The following SYT17 variants were observed in gnomAD, a reference collection of about 807,000 sequenced individuals.
SYT17 encodes synaptotagmin 17, also known as synaptotagmin-17.
In SYT17, 22 loss-of-function variants were observed where a neutral mutation model predicts 46.7. That is an observed-to-expected ratio of 0.47 (90% confidence interval 0.34 to 0.67). SYT17 has a LOEUF of 0.67. Ranked by LOEUF, SYT17 falls within the 30% of genes least tolerant of loss-of-function variation. The probability of loss-of-function intolerance (pLI) is 0.01; values close to 1 mark genes in which losing one functional copy is unlikely to be tolerated. For synonymous variants in SYT17, 251 were observed against 248.4 expected, an observed-to-expected ratio of 1.01 and a Z score of -0.10; for missense variants, 519 against 612.8, an observed-to-expected ratio of 0.85 and a Z score of 1.62.
chr16:19,228,153 G>A (rs11864842), intron 7 of SYT17, among the ~76,000 whole-genome samples: 4,245 of 152,008 alleles, frequency 0.028, 201 homozygotes, highest in African/African-American at 0.097. Flanking sequence ...AGGTTTTTTC[G>A]AATTCCTTGA....
chr16:19,233,270 G>A (rs542977625), intron 7 of SYT17, among the ~76,000 whole-genome samples: 8 of 152,266 alleles, frequency 5.3e-5, no homozygotes, highest in East Asian at 3.9e-4. Context: ...AAGGCACGGC[G>A]GGGAATGGGT....
At chr16:19,172,335 A>G in intron 1 of SYT17, 1 of 1,356,680 alleles carries the variant, frequency 7.4e-7, no homozygotes. Context: ...AGTAACATCC[A>G]CTGTGTGCCT....
intron 3 of SYT17, among the ~76,000 whole-genome samples, chr16:19,176,894 A>G (rs904941748): frequency 3.9e-5 from 6 of 152,186 alleles, no homozygotes; most frequent in African/African-American, 9.7e-5. Flanking sequence ...TCAGGCCACA[A>G]CTACATCTAG....
intron 5 of SYT17, among the ~76,000 whole-genome samples, chr16:19,197,802 T>C (rs1965311880): frequency 6.6e-6 from 1 of 152,156 alleles, no homozygotes; most frequent in Non-Finnish European, 1.5e-5. Context: ...AACTTTCCTG[T>C]TATGTAGACT....
chr16:19,199,993 A>G (rs1965398792), intron 5 of SYT17, among the ~76,000 whole-genome samples: 1 of 152,272 alleles, frequency 6.6e-6, no homozygotes, highest in African/African-American at 2.4e-5. Context: ...TACAGATAAG[A>G]AAACTGAGGC....
chr16:19,172,820 G>A (rs544276007), intron 2 of SYT17, 43 bp downstream of exon 2: 1 of 1,612,662 alleles, frequency 6.2e-7, no homozygotes, highest in Non-Finnish European at 8.5e-7. Flanking sequence ...TTCTAATCAA[G>A]AAATGCCTGA....
chr16:19,264,216 C>A (rs923912425), intron 7 of SYT17, among the ~76,000 whole-genome samples: 18 of 152,124 alleles, frequency 1.2e-4, no homozygotes, highest in African/African-American at 4.3e-4. Flanking sequence ...TATAAGCCAC[C>A]CAGTTTATGG....
chr16:19,206,170 T>C (rs769065896), intron 5 of SYT17, among the ~76,000 whole-genome samples: 23 of 152,192 alleles, frequency 1.5e-4, no homozygotes, highest in African/African-American at 5.3e-4. Context: ...AGTTGAATTC[T>C]GGGGAAAACT....
chr16:19,210,866 G>T (rs1357857133), intron 5 of SYT17, among the ~76,000 whole-genome samples: 2 of 152,206 alleles, frequency 1.3e-5, no homozygotes, highest in Admixed American at 6.6e-5. Context: ...GAGAGAGAGC[G>T]AAAGGACCAT....
chr16:19,267,007 G>T lies in SYT17; in HGVS notation c.1356G>T (p.Glu452Asp), dbSNP rs569943172. The T allele has an allele frequency of 1.2e-6, 2 of 1,613,546 alleles. No individual in the cohort carries two copies. The highest frequency in any genetic ancestry group is 1.7e-6 in the Non-Finnish European group (2 of 1,179,972). The change falls in exon 8 of 8, where the codon GAG becomes GAT. Residue 452 changes from glutamate (E) to aspartate (D), a missense_variant. Physicochemically the swap from Glu to Asp is conservative, Grantham distance 45. Coordinates refer to ENST00000355377, the MANE Select transcript of SYT17 (RefSeq NM_016524.4). ...RMLNTHRTAVEQWHSLRSRAE... is the reference protein window; with the variant it reads ...RMLNTHRTAVDQWHSLRSRAE... The stretch of plus-strand genomic sequence containing the variant: ...TCAACACGCACCGCACAGCCGTGGA[G>T]CAGTGGCATAGCCTGAGGTCCCGAG...
chr16:19,249,873 T>A, intron 7 of SYT17: 2 of 1,494,136 alleles, frequency 1.3e-6, no homozygotes, highest in Non-Finnish European at 1.8e-6. Context: ...CATACTTTCA[T>A]CCAGGTCGTC....
chr16:19,178,981 G>C (rs1197253475), intron 3 of SYT17, among the ~76,000 whole-genome samples: 2 of 151,704 alleles, frequency 1.3e-5, no homozygotes. Context: ...GGATCACTTT[G>C]AGCCCAGGAG....
intron 7 of SYT17, among the ~76,000 whole-genome samples, chr16:19,263,229 A>G (rs1288763449): frequency 6.6e-6 from 1 of 152,156 alleles, no homozygotes; most frequent in African/African-American, 2.4e-5. Flanking sequence ...CCAATTAGCT[A>G]TCACACCCCA....
chr16:19,171,076 C>T (rs751876390), intron 1 of SYT17: 3 of 152,218 alleles, frequency 2.0e-5, no homozygotes, highest in Non-Finnish European at 4.4e-5. Context: ...GCCCAAGTCA[C>T]ATGATCAGTC....
intron 7 of SYT17, among the ~76,000 whole-genome samples, chr16:19,246,769 T>C (rs1967608799): frequency 6.6e-6 from 1 of 152,256 alleles, no homozygotes; most frequent in Admixed American, 6.5e-5. Flanking sequence ...AATTAGCACC[T>C]ATTTATTCAT....
chr16:19,169,313 C>CT (rs869249264), intron 1 of SYT17, among the ~76,000 whole-genome samples: 9 of 128,630 alleles, frequency 7.0e-5, no homozygotes, highest in Non-Finnish European at 1.1e-4. Flanking sequence ...TCTAAGCAGC[C>CT]TTTTTTGGGG....
Position 19,267,411 on chromosome 16 carries a change from G to T in SYT17, c.*335G>T. On this transcript the variant is annotated 3_prime_UTR_variant, in exon 8 of 8. Transcript: ENST00000355377. ...CCCAAAATGCACTTTCAACCCTCAG[G>T]CCAGAGAAAGGACCTCCCAAAGGGT... 5.4e-6 allele frequency: 1 copy of T among 185,862 alleles called. No individual in the cohort carries two copies. Among genetic ancestry groups the T allele is most frequent in the Non-Finnish European group, 1.1e-5 (1 of 90,166 alleles). 11.5% of individuals were successfully genotyped at this position (185,862 alleles called of 1,614,324 possible).
intron 5 of SYT17, among the ~76,000 whole-genome samples, chr16:19,205,742 A>G (rs1456428025): frequency 6.6e-6 from 1 of 152,190 alleles, no homozygotes; most frequent in Non-Finnish European, 1.5e-5. Flanking sequence ...TCGGCCTCCC[A>G]AAGTGCTGGG....
chr16:19,257,789 G>T (rs191406278), intron 7 of SYT17, among the ~76,000 whole-genome samples: 1 of 152,158 alleles, frequency 6.6e-6, no homozygotes, highest in Admixed American at 6.5e-5. Context: ...ATGAGGTTTC[G>T]GGGTGCCAGC....
Sources: gnomAD v4.1 joint callset for allele counts (sites outside exome capture counted in the v4.1 genomes callset) on GRCh38, gnomAD v4.1.1 for gene constraint, MANE v1.5 for transcripts, NCBI Gene and HGNC (gene_info 2026-07-23, HGNC 2026-07-21) for gene names.